DOK6: variants seen among roughly 807,000 people sequenced by gnomAD.
DOK6 encodes docking protein 6, also known as downstream of tyrosine kinase 6.
DOK6 carries 22 observed loss-of-function variants against 44.0 expected under a neutral mutation model. The ratio of observed to expected loss-of-function variants is 0.50; its 90% confidence interval spans 0.36 to 0.71. The LOEUF is 0.71. DOK6 is among the 30% of genes least tolerant of loss of function. The probability of loss-of-function intolerance (pLI) is 0.00; values close to 1 mark genes in which losing one functional copy is unlikely to be tolerated. For synonymous variants in DOK6, 166 were observed against 145.5 expected (o/e 1.14, Z -1.01); for missense variants, 340 against 416.4 (o/e 0.82, Z 1.60).
intron 3 of DOK6, among the ~76,000 whole-genome samples, chr18:69,669,006 A>G (rs962967846): frequency 1.3e-5 from 2 of 152,130 alleles, no homozygotes; most frequent in Non-Finnish European, 2.9e-5. Context: ...CAGTTCCCTG[A>G]TACTGTGGCA....
intron 2 of DOK6, among the ~76,000 whole-genome samples, chr18:69,583,628 C>T (rs925291343): frequency 1.3e-5 from 2 of 151,996 alleles, no homozygotes; most frequent in Non-Finnish European, 2.9e-5. Context: ...GCAAAGATTT[C>T]ATCATAGGCC....
At chr18:69,732,675 A>C (rs1046206955) in intron 5 of DOK6, among the ~76,000 whole-genome samples, 2 of 152,200 alleles carry the variant, frequency 1.3e-5, no homozygotes, top group African/African-American at 4.8e-5. Context: ...TGTGATTGTA[A>C]TTGTGCCATC....
intron 3 of DOK6, among the ~76,000 whole-genome samples, chr18:69,614,566 G>C (rs11660625): frequency 0.39 from 59,671 of 151,138 alleles, 13,226 homozygotes; most frequent in Non-Finnish European, 0.5. Flanking sequence ...GTGTGTGTGT[G>C]TGTGTGTGTT....
chr18:69,831,652 G>C (rs1267252896), intron 7 of DOK6, among the ~76,000 whole-genome samples: 1 of 152,092 alleles, frequency 6.6e-6, no homozygotes. Flanking sequence ...CTGAATATGA[G>C]CCTGGACACC....
At chr18:69,752,500 A>G (rs928716091) in intron 6 of DOK6, among the ~76,000 whole-genome samples, 1 of 152,214 alleles carries the variant, frequency 6.6e-6, no homozygotes, top group African/African-American at 2.4e-5. Context: ...TTCAGTATGG[A>G]TATAGTGAAT....
At chr18:69,563,282 C>T (rs560292324) in intron 1 of DOK6, among the ~76,000 whole-genome samples, 3 of 152,088 alleles carry the variant, frequency 2.0e-5, no homozygotes, top group Non-Finnish European at 4.4e-5. Flanking sequence ...GCCATTTGAC[C>T]CAGCCATCCC....
chr18:69,780,497 C>G (rs1980230585), intron 7 of DOK6, among the ~76,000 whole-genome samples: 1 of 152,188 alleles, frequency 6.6e-6, no homozygotes, highest in African/African-American at 2.4e-5. Flanking sequence ...GATGCTGAGG[C>G]AGGAGAGTCA....
chr18:69,583,936 G>A (rs1983430426), intron 2 of DOK6, among the ~76,000 whole-genome samples: 3 of 151,692 alleles, frequency 2.0e-5, no homozygotes, highest in South Asian at 4.2e-4. Flanking sequence ...GTGAAACCCC[G>A]TCCCTACTAA....
At chr18:69,446,898 G>A (rs998061158) in intron 1 of DOK6, among the ~76,000 whole-genome samples, 1 of 152,126 alleles carries the variant, frequency 6.6e-6, no homozygotes, top group South Asian at 2.1e-4. Context: ...ACTTTTTGAT[G>A]GGGTTGTTTG....
intron 3 of DOK6, among the ~76,000 whole-genome samples, chr18:69,630,302 G>C (rs537047747): frequency 2.4e-4 from 36 of 151,810 alleles, no homozygotes; most frequent in Non-Finnish European, 4.7e-4. Context: ...AATTGATTAT[G>C]GGTTTTCTGA....
chr18:69,517,770 A>G (rs1246149771), intron 1 of DOK6, among the ~76,000 whole-genome samples: 2 of 150,768 alleles, frequency 1.3e-5, no homozygotes, highest in East Asian at 3.9e-4. Context: ...TCTTAGAGAT[A>G]CTGTGTTCCA....
At chr18:69,412,369 C>T (rs2122392204) in intron 1 of DOK6, among the ~76,000 whole-genome samples, 1 of 152,242 alleles carries the variant, frequency 6.6e-6, no homozygotes, top group Middle Eastern at 3.4e-3. Context: ...AGCACTATGG[C>T]TTGTGACAAT....
chr18:69,565,389 A>ATTT, intron 2 of DOK6, among the ~76,000 whole-genome samples: 1 of 152,078 alleles, frequency 6.6e-6, no homozygotes, highest in African/African-American at 2.4e-5. Flanking sequence ...AATAACTAGT[A>ATTT]TTTATTATTA....
chr18:69,531,266 A>G (rs1483477816), intron 1 of DOK6, among the ~76,000 whole-genome samples: 1 of 147,178 alleles, frequency 6.8e-6, no homozygotes, highest in Non-Finnish European at 1.5e-5. Context: ...TTACATATAT[A>G]TATATAATAT....
In DOK6 at chr18:69,624,639, G is replaced by A. The variant is rs1176082633; in HGVS notation, c.289+25141G>A. Among the ~76,000 whole-genome samples the A allele has an allele frequency of 2.6e-5, 4 of 152,052 alleles. No homozygotes were observed. In the East Asian group the frequency reaches 7.7e-4, roughly 29 times the overall value. ...TGTATCATGAGAGTATTACTTACTG[G>A]TTCCTTTTAGGAGCCAGATTTTTGA... On this transcript the variant is annotated intron_variant, in intron 3 of 7. Transcript: ENST00000382713.
intron 2 of DOK6, among the ~76,000 whole-genome samples, chr18:69,597,496 C>T (rs1455254100): frequency 1.3e-5 from 2 of 151,434 alleles, no homozygotes; most frequent in African/African-American, 4.9e-5. Context: ...TAAAGCTTAT[C>T]TAACACATGT....
chr18:69,609,820 A>G (rs1468032126), intron 3 of DOK6, among the ~76,000 whole-genome samples: 2 of 152,248 alleles, frequency 1.3e-5, no homozygotes, highest in Non-Finnish European at 2.9e-5. Context: ...TGGAATATAC[A>G]TACAATAGAG....
chr18:69,401,376 G>A (rs570490351), intron 1 of DOK6, 66 bp downstream of exon 1: 28 of 1,420,188 alleles, frequency 2.0e-5, no homozygotes, highest in South Asian at 3.0e-5. Flanking sequence ...GCCTGGGGGG[G>A]GGGCAGGGAG....
At chr18:69,839,049 C>T (rs901923021) in intron 7 of DOK6, among the ~76,000 whole-genome samples, 12 of 134,506 alleles carry the variant, frequency 8.9e-5, no homozygotes, top group Non-Finnish European at 1.8e-4. Context: ...CTCCTAGTCT[C>T]TCCCTAGCTC....
Sources: gnomAD v4.1 joint callset for allele counts (sites outside exome capture counted in the v4.1 genomes callset) on GRCh38, gnomAD v4.1.1 for gene constraint, MANE v1.5 for transcripts, NCBI Gene and HGNC (gene_info 2026-07-23, HGNC 2026-07-21) for gene names.